PCCA: variants seen among roughly 807,000 people sequenced by gnomAD.
PCCA encodes the protein propionyl-CoA carboxylase alpha chain, mitochondrial.
PCCA carries 74 observed loss-of-function variants against 101.3 expected under a neutral mutation model. The ratio of observed to expected loss-of-function variants is 0.73; its 90% CI spans 0.61 to 0.89. The LOEUF (loss-of-function observed/expected upper bound fraction) is 0.89, where lower values mean the gene tolerates loss of function less well. Among genes scored for constraint, PCCA ranks in the 40% least tolerant of loss-of-function variants. The probability of loss-of-function intolerance (pLI) is 0.00; values close to 1 mark genes in which losing one functional copy is unlikely to be tolerated. For synonymous variants in PCCA, 294 were observed against 313.6 expected (o/e 0.94, Z 0.66); for missense variants, 891 against 907.0 (o/e 0.98, Z 0.23).
chr13:100,465,546 T>C (rs1015415153), intron 21 of PCCA, among the ~76,000 whole-genome samples: 2 of 152,214 alleles, frequency 1.3e-5, no homozygotes, highest in African/African-American at 4.8e-5. Flanking sequence ...TTTCAAGTCT[T>C]ATAGACAGTG....
At chr13:100,312,349 A>G (rs964890545) in intron 16 of PCCA, among the ~76,000 whole-genome samples, 2 of 152,182 alleles carry the variant, frequency 1.3e-5, no homozygotes, top group Non-Finnish European at 2.9e-5. Context: ...TAGGACTCAT[A>G]GTGTCTCTGT....
chr13:100,495,421 C>T (rs1240626187), intron 21 of PCCA, among the ~76,000 whole-genome samples: 1 of 152,200 alleles, frequency 6.6e-6, no homozygotes, highest in African/African-American at 2.4e-5. Flanking sequence ...CAGGGGACTA[C>T]TAGGTGTCCC....
intron 19 of PCCA, among the ~76,000 whole-genome samples, chr13:100,373,048 C>T (rs893088557): frequency 3.3e-5 from 5 of 151,910 alleles, no homozygotes; most frequent in Admixed American, 6.6e-5. Flanking sequence ...CCAGCCCTCC[C>T]GATAAGAGTT....
chr13:100,341,957 G>GTGTATATA (rs371378776), intron 18 of PCCA, among the ~76,000 whole-genome samples: 1 of 107,172 alleles, frequency 9.3e-6, no homozygotes, highest in African/African-American at 4.3e-5. Context: ...ACCCTTCAAA[G>GTGTATATA]TATATATATA....
intron 12 of PCCA, among the ~76,000 whole-genome samples, chr13:100,284,302 A>G (rs2064402618): frequency 6.6e-6 from 1 of 152,208 alleles, no homozygotes. Flanking sequence ...TATTATCTAC[A>G]TGAATATGAG....
intron 1 of PCCA, among the ~76,000 whole-genome samples, chr13:100,095,934 G>GGGGTGGGAGTAGGATT (rs2046731238): frequency 2.0e-5 from 3 of 152,136 alleles, no homozygotes; most frequent in Admixed American, 1.3e-4. Flanking sequence ...GGACTGGGGT[G>GGGGTGGGAGTAGGATT]GGAAGAGTGG....
At chr13:100,255,492 G>A (rs1261275869) in intron 8 of PCCA, among the ~76,000 whole-genome samples, 3 of 152,208 alleles carry the variant, frequency 2.0e-5, no homozygotes, top group Non-Finnish European at 4.4e-5. Flanking sequence ...ACTGAATGTA[G>A]TGGAGATGTG....
rs140469234 is a variant in PCCA at position 100,136,435 on chromosome 13, C to G, written c.301-18544C>G. Reference sequence around the variant, plus strand: ...TCCCAACCTCAGGTGATCCACCTGTCTTGGCCTCCCAAAGTGCTGGGATTA... The same window carrying G: ...TCCCAACCTCAGGTGATCCACCTGTGTTGGCCTCCCAAAGTGCTGGGATTA... On this transcript the variant is annotated intron_variant, in intron 4 of 23. Transcript: ENST00000376285. 2.9e-3 allele frequency among the ~76,000 whole-genome samples: 441 copies of G among 152,274 alleles called. 3 individuals are homozygous for G. Among genetic ancestry groups the G allele is most frequent in the African/African-American group, 0.01 (428 of 41,556 alleles).
chr13:100,174,229 T>A (rs2056009721), intron 6 of PCCA, among the ~76,000 whole-genome samples: 1 of 151,940 alleles, frequency 6.6e-6, no homozygotes, highest in South Asian at 2.1e-4. Context: ...CAGTAGGAGA[T>A]CAGCAAGCTG....
chr13:100,301,972 TA>T (rs748987108), intron 13 of PCCA, among the ~76,000 whole-genome samples: 1 of 152,112 alleles, frequency 6.6e-6, no homozygotes, highest in Non-Finnish European at 1.5e-5. Flanking sequence ...ATGGGTTTTT[TA>T]AAAAAATGCC....
chr13:100,183,692 G>C lies in PCCA; in HGVS notation c.469-25640G>C, dbSNP rs537809861. ...TTCCAGGAAGGGGCTGTAGTGTCGG[G>C]ATGGCAGAAAAAGGGGTGCTGCATT... On this transcript the variant is annotated intron_variant, in intron 6 of 23. Transcript: ENST00000376285. 3.9e-5 allele frequency among the ~76,000 whole-genome samples: 6 copies of C among 152,218 alleles called. No individual in the cohort carries two copies. In the South Asian group the frequency reaches 1.2e-3, roughly 32 times the overall value.
chr13:100,243,762 A>G (rs2152535183), intron 8 of PCCA, among the ~76,000 whole-genome samples: 1 of 152,262 alleles, frequency 6.6e-6, no homozygotes, highest in African/African-American at 2.4e-5. Flanking sequence ...CTTCTGATGT[A>G]GTGTGTCTGC....
chr13:100,367,197 C>G (rs1258364835), intron 18 of PCCA, among the ~76,000 whole-genome samples: 1 of 152,096 alleles, frequency 6.6e-6, no homozygotes, highest in Non-Finnish European at 1.5e-5. Context: ...TCGTGGGAAA[C>G]ATTTATATTC....
intron 18 of PCCA, among the ~76,000 whole-genome samples, chr13:100,356,607 G>A (rs2073985477): frequency 2.0e-5 from 3 of 152,114 alleles, no homozygotes; most frequent in Admixed American, 6.5e-5. Flanking sequence ...ACCATTACAT[G>A]TTCCTGGTGG....
In PCCA at chr13:100,415,248, A is replaced by G. The variant is rs982517619; in HGVS notation, c.1747-10385A>G. On this transcript the variant is annotated intron_variant, in intron 19 of 23. Coordinates refer to ENST00000376285, the MANE Select transcript of PCCA (RefSeq NM_000282.4). Reference sequence around the variant, plus strand: ...TGAGACCACACCTCTACAAAAAAAAAAAAAAAAAATTAGCCAGGCATGATG... The same window carrying G: ...TGAGACCACACCTCTACAAAAAAAAGAAAAAAAAATTAGCCAGGCATGATG... 2.9e-3 allele frequency among the ~76,000 whole-genome samples: 437 copies of G among 152,094 alleles called. 1 individual carries two copies. Among genetic ancestry groups the G allele is most frequent in the Non-Finnish European group, 4.3e-3 (293 of 67,980 alleles).
chr13:100,399,970 A>G (rs2077239136), intron 19 of PCCA, among the ~76,000 whole-genome samples: 1 of 152,212 alleles, frequency 6.6e-6, no homozygotes, highest in South Asian at 2.1e-4. Context: ...GAATTAATTT[A>G]TTTGAGTGGT....
At chr13:100,452,180 CCTCTT>C (rs2081375681) in intron 21 of PCCA, among the ~76,000 whole-genome samples, 1 of 97,252 alleles carries the variant, frequency 1.0e-5, no homozygotes, top group Non-Finnish European at 2.4e-5. Context: ...TTTTCTTTCT[CCTCTT>C]TCTCGCTCCT....
intron 1 of PCCA, among the ~76,000 whole-genome samples, chr13:100,096,536 C>T (rs2046791970): frequency 6.6e-6 from 1 of 152,182 alleles, no homozygotes; most frequent in African/African-American, 2.4e-5. Context: ...TCACACATCT[C>T]TCACTTTGAA....
At chr13:100,419,960 T>C (rs1225570406) in intron 19 of PCCA, among the ~76,000 whole-genome samples, 1 of 152,266 alleles carries the variant, frequency 6.6e-6, no homozygotes, top group Admixed American at 6.5e-5. Context: ...TAAACACCTC[T>C]AGCGTTGTGT....
Sources: allele counts gnomAD v4.1 joint callset (sites outside exome capture counted in the v4.1 genomes callset), GRCh38; gene constraint gnomAD v4.1.1; transcripts MANE v1.5; gene names NCBI Gene and HGNC (gene_info 2026-07-23, HGNC 2026-07-21).